The following FOXP1 variants were observed in gnomAD, a reference collection of about 807,000 sequenced individuals.
The protein encoded by FOXP1 is forkhead box protein P1.
A neutral mutation model predicts 98.2 loss-of-function variants in FOXP1; 15 were observed. The observed-to-expected ratio is 0.15, with a 90% CI of 0.10 to 0.24. The LOEUF (loss-of-function observed/expected upper bound fraction) is 0.24, where lower values mean the gene tolerates loss of function less well. Ranked by LOEUF, FOXP1 falls within the 10% of genes least tolerant of loss-of-function variation. The pLI is 1.00. For missense variants in FOXP1, 633 were observed against 848.5 expected, an observed-to-expected ratio of 0.75 and a Z score of 3.15; for synonymous variants, 371 against 314.5, an observed-to-expected ratio of 1.18 and a Z score of -1.90.
intron 4 of FOXP1, among the ~76,000 whole-genome samples, chr3:71,345,059 G>T (rs2077241329): frequency 6.6e-6 from 1 of 151,916 alleles, no homozygotes; most frequent in South Asian, 2.1e-4. Flanking sequence ...AAATATTTGG[G>T]GATACAGGGA....
At chr3:71,535,789 T>G (rs1221018422) in intron 2 of FOXP1, among the ~76,000 whole-genome samples, 1 of 152,158 alleles carries the variant, frequency 6.6e-6, no homozygotes, top group African/African-American at 2.4e-5. Flanking sequence ...GTGATTCCCA[T>G]TCCTGGTTCT....
chr3:71,436,904 C>T (rs2085416762), intron 3 of FOXP1, among the ~76,000 whole-genome samples: 1 of 152,148 alleles, frequency 6.6e-6, no homozygotes, highest in Non-Finnish European at 1.5e-5. Context: ...CCGATCAAAG[C>T]AACGCTGATC....
intron 5 of FOXP1, among the ~76,000 whole-genome samples, chr3:71,285,169 G>C (rs950075922): frequency 1.3e-5 from 2 of 152,120 alleles, no homozygotes; most frequent in African/African-American, 4.8e-5. Context: ...AAAACACGCA[G>C]TTCGAATCAA....
intron 6 of FOXP1, among the ~76,000 whole-genome samples, chr3:71,165,506 A>G (rs917794058): frequency 6.6e-6 from 1 of 152,208 alleles, no homozygotes; most frequent in African/African-American, 2.4e-5. Flanking sequence ...TGGTTTCGCT[A>G]TATAAAAATT....
Position 71,047,066 on chromosome 3 carries a change from A to C in FOXP1, c.540T>G (p.Ala180=). The C allele has an allele frequency of 6.2e-7, 1 of 1,614,112 alleles. No homozygotes were observed. ...GCATCTGTAAAAGCTGCTGCTGAAA[A>C]GCCAACTGCTGGGTAGCCACCTGCT... ...EQQQVATQQL[A]FQQQLLQMQQ... The change falls in exon 10 of 21, where the codon GCT becomes GCG. Residue 180 remains alanine (A), a synonymous_variant. Transcript: ENST00000649528.
At chr3:71,492,321 G>A (rs568212860) in intron 3 of FOXP1, among the ~76,000 whole-genome samples, 47 of 151,890 alleles carry the variant, frequency 3.1e-4, no homozygotes, top group Non-Finnish European at 6.2e-4. Flanking sequence ...GCATGGTGGC[G>A]GGCGCCTGTA....
intron 5 of FOXP1, among the ~76,000 whole-genome samples, chr3:71,231,599 G>A (rs952697226): frequency 2.0e-5 from 3 of 152,070 alleles, no homozygotes; most frequent in Non-Finnish European, 4.4e-5. Context: ...CATGCATTAG[G>A]CAAAAAACAT....
chr3:71,135,251 G>A (rs1243443998), intron 6 of FOXP1, among the ~76,000 whole-genome samples: 2 of 86,780 alleles, frequency 2.3e-5, no homozygotes, highest in African/African-American at 5.2e-5. Flanking sequence ...GTGAGCCTCC[G>A]TCTCAAAAAA....
chr3:71,357,272 T>C (rs915051224), intron 4 of FOXP1, among the ~76,000 whole-genome samples: 22 of 152,338 alleles, frequency 1.4e-4, no homozygotes, highest in African/African-American at 5.1e-4. Context: ...AATTTTGCTT[T>C]ATAGCTCTCT....
At chr3:71,417,957 T>C (rs887084627) in intron 3 of FOXP1, among the ~76,000 whole-genome samples, 1 of 151,546 alleles carries the variant, frequency 6.6e-6, no homozygotes, top group South Asian at 2.1e-4. Flanking sequence ...ATGTGGTCTG[T>C]TGCACTGTTA....
At chr3:71,429,032 T>G (rs149266050) in intron 3 of FOXP1, among the ~76,000 whole-genome samples, 1,957 of 152,274 alleles carry the variant, frequency 0.013, 37 homozygotes, top group African/African-American at 0.039. Context: ...CTGACATTTT[T>G]TGCTATTTCC....
intron 5 of FOXP1, among the ~76,000 whole-genome samples, chr3:71,287,098 C>T (rs879429066): frequency 6.6e-6 from 1 of 151,990 alleles, no homozygotes; most frequent in Non-Finnish European, 1.5e-5. Context: ...CACTTAAGAT[C>T]GTTTAATGAT....
chr3:71,298,646 T>C (rs1426376809), intron 5 of FOXP1, among the ~76,000 whole-genome samples: 2 of 152,162 alleles, frequency 1.3e-5, no homozygotes, highest in Admixed American at 6.5e-5. Context: ...TGCAAAGGTT[T>C]CATTTAAACA....
At position 71,214,416 on chromosome 3, in the gene FOXP1, G is replaced by T. The variant is rs114540095; in HGVS notation, c.-11-16024C>A. 2.6e-3 allele frequency among the ~76,000 whole-genome samples: 401 copies of T among 152,242 alleles called. 1 individual carries two copies. The highest frequency in any genetic ancestry group is 8.9e-3 in the African/African-American group (368 of 41,532). ...CTTCTCTTTGCCTGCTGAGTGCTGG[G>T]GCCACTGGATGACTACAGGGTCAAC... On this transcript the variant is annotated intron_variant, in intron 5 of 20. Coordinates refer to ENST00000649528, the MANE Select transcript of FOXP1 (RefSeq NM_001349338.3).
chr3:71,294,921 A>C (rs1032698908), intron 5 of FOXP1, among the ~76,000 whole-genome samples: 1 of 150,822 alleles, frequency 6.6e-6, no homozygotes, highest in Non-Finnish European at 1.5e-5. Flanking sequence ...ATAAAGACAA[A>C]GCCCCAAGGG....
chr3:71,355,404 A>C (rs1461954188), intron 4 of FOXP1, among the ~76,000 whole-genome samples: 1 of 152,206 alleles, frequency 6.6e-6, no homozygotes, highest in African/African-American at 2.4e-5. Context: ...TGGATCAAGA[A>C]AAATAATAAA....
intron 2 of FOXP1, among the ~76,000 whole-genome samples, chr3:71,550,007 A>G (rs935210220): frequency 6.6e-6 from 1 of 152,164 alleles, no homozygotes; most frequent in Admixed American, 6.6e-5. Context: ...TTTTAAAACT[A>G]TAACTACAAA....
chr3:71,476,123 G>C (rs151156644), intron 3 of FOXP1, among the ~76,000 whole-genome samples: 9 of 152,294 alleles, frequency 5.9e-5, no homozygotes, highest in Non-Finnish European at 1.0e-4. Flanking sequence ...TCTTCAACTA[G>C]ATATGTCAGT....
intron 2 of FOXP1, among the ~76,000 whole-genome samples, chr3:71,538,706 T>G (rs2044513887): frequency 6.6e-6 from 1 of 152,224 alleles, no homozygotes; most frequent in Non-Finnish European, 1.5e-5. Context: ...CCAGTTTATC[T>G]ATTTGTTCTT....
Sources: gnomAD v4.1 joint callset for allele counts (sites outside exome capture counted in the v4.1 genomes callset) on GRCh38, gnomAD v4.1.1 for gene constraint, MANE v1.5 for transcripts, NCBI Gene and HGNC (gene_info 2026-07-23, HGNC 2026-07-21) for gene names.